IDE: variants seen among roughly 807,000 people sequenced by gnomAD.
The protein encoded by IDE is insulin degrading enzyme.
A neutral mutation model predicts 133.2 loss-of-function variants in IDE; 58 were observed. That is an observed-to-expected ratio of 0.44 (90% CI 0.35 to 0.54). The LOEUF is 0.54. Among genes scored for constraint, IDE ranks in the 20% least tolerant of loss-of-function variants. IDE has a pLI of 0.00. For synonymous variants in IDE, 396 were observed against 421.3 expected (o/e 0.94, Z 0.73); for missense variants, 981 against 1,234.0 (o/e 0.79, Z 3.07).
At chr10:92,573,877 T>G (rs1351033300) in intron 1 of IDE, 45 bp downstream of exon 1, 1 of 1,337,774 alleles carries the variant, frequency 7.5e-7, no homozygotes, top group African/African-American at 1.6e-5. Context: ...GCCAAACCGC[T>G]GTGACCCACG....
intron 18 of IDE, among the ~76,000 whole-genome samples, chr10:92,469,507 C>T (rs1003879251): frequency 1.6e-4 from 24 of 152,024 alleles, no homozygotes; most frequent in East Asian, 1.5e-3. Context: ...TAACTCACTG[C>T]AGCCTCAACC....
chr10:92,495,069 CT>C (rs1053553759), intron 11 of IDE, among the ~76,000 whole-genome samples: 119 of 144,716 alleles, frequency 8.2e-4, no homozygotes, highest in Admixed American at 8.3e-4. Context: ...TTTAATTTTT[CT>C]TTTTTTTTTT....
rs542238267 is a variant in IDE at position 92,470,191 on chromosome 10, G to C, written c.2208+63C>G. ...CATGCTGGTTAACAATCTTGAGAAA[G>C]ACTAGAGGGAAAAAATATCTTGCAA... On this transcript the variant is annotated intron_variant, in intron 18 of 24. Coordinates refer to ENST00000265986, the MANE Select transcript of IDE (RefSeq NM_004969.4). 7 of 1,095,064 alleles carry C rather than the reference G, an allele frequency of 6.4e-6. No individual in the cohort carries two copies. In the South Asian group the frequency reaches 8.8e-5, roughly 14 times the overall value. 67.8% of individuals were successfully genotyped at this position (1,095,064 alleles called of 1,614,324 possible).
At chr10:92,500,898 G>A (rs1176538109) in intron 11 of IDE, among the ~76,000 whole-genome samples, 1 of 151,880 alleles carries the variant, frequency 6.6e-6, no homozygotes, top group Non-Finnish European at 1.5e-5. Context: ...AAAATTAGCT[G>A]GGCGTGGTGG....
In IDE at chr10:92,534,563, G is replaced by C. The variant is rs1164748383; in HGVS notation, c.491+15C>G. ...GTACACAAAGTTGGATAATTCATAG[G>C]GTATTCTGCATTACCTGTCTAGGGC... On this transcript the variant is annotated intron_variant, in intron 3 of 24. Transcript: ENST00000265986. 1 of 1,464,120 alleles carries C rather than the reference G, an allele frequency of 6.8e-7. No individual in the cohort carries two copies. The highest frequency in any genetic ancestry group is 1.2e-5 in the South Asian group (1 of 86,956). 90.7% of individuals were successfully genotyped at this position (1,464,120 alleles called of 1,614,324 possible). A position where few individuals can be genotyped will look rare whatever the true frequency, so the allele number is the denominator to read the frequency against.
At chr10:92,454,900 A>G (rs1844911805) in intron 24 of IDE, among the ~76,000 whole-genome samples, 1 of 152,086 alleles carries the variant, frequency 6.6e-6, no homozygotes, top group East Asian at 1.9e-4. Flanking sequence ...GCCTAGTTAC[A>G]CTGCCAGTTT....
chr10:92,566,388 A>ATC (rs201698581), intron 1 of IDE, among the ~76,000 whole-genome samples: 105 of 144,956 alleles, frequency 7.2e-4, no homozygotes, highest in Non-Finnish European at 1.2e-3. Context: ...GTCAGACTCT[A>ATC]TCTCTCTCTC....
intron 1 of IDE, among the ~76,000 whole-genome samples, chr10:92,565,860 C>T (rs988329346): frequency 6.6e-6 from 1 of 152,240 alleles, no homozygotes; most frequent in Admixed American, 6.5e-5. Flanking sequence ...TATCGTGCTA[C>T]CTCTAGGAAG....
chr10:92,459,073 G>A (rs1269599059), intron 22 of IDE, among the ~76,000 whole-genome samples: 1 of 152,086 alleles, frequency 6.6e-6, no homozygotes, highest in Admixed American at 6.6e-5. Flanking sequence ...TCAAAATACT[G>A]GCTTCTGCTG....
At chr10:92,471,024 TC>T (rs1845937017) in intron 17 of IDE, among the ~76,000 whole-genome samples, 2 of 152,232 alleles carry the variant, frequency 1.3e-5, no homozygotes, top group South Asian at 4.1e-4. Context: ...CACCTATTTT[TC>T]CCTTTGTAAT....
At chr10:92,512,397 G>C (rs77474932) in intron 5 of IDE, among the ~76,000 whole-genome samples, 1 of 152,158 alleles carries the variant, frequency 6.6e-6, no homozygotes, top group Non-Finnish European at 1.5e-5. Flanking sequence ...GTATGGATCA[G>C]AGAATTGAGA....
chr10:92,552,109 A>G (rs1279018371), intron 1 of IDE, among the ~76,000 whole-genome samples: 1 of 152,256 alleles, frequency 6.6e-6, no homozygotes, highest in Non-Finnish European at 1.5e-5. Context: ...ATAAATGAGT[A>G]ACATAATCAC....
intron 5 of IDE, among the ~76,000 whole-genome samples, chr10:92,512,125 G>C (rs755335825): frequency 1.3e-5 from 2 of 152,172 alleles, no homozygotes; most frequent in Non-Finnish European, 2.9e-5. Flanking sequence ...TGTACTTGAT[G>C]ATTACCTATG....
chr10:92,572,858 TCTCTGGCCCCACAC>T, intron 1 of IDE: 1 of 979,326 alleles, frequency 1.0e-6, no homozygotes, highest in Middle Eastern at 5.3e-4. Context: ...TACCCCCCCA[TCTCTGGCCCCACAC>T]ACTACCCATA....
At chr10:92,504,946 T>C in intron 10 of IDE, 49 bp from the exon 11 acceptor site, 1 of 844,840 alleles carries the variant, frequency 1.2e-6, no homozygotes, top group East Asian at 2.8e-5. Flanking sequence ...AGCTACTACA[T>C]AGTTTATTAA....
At chr10:92,490,774 A>G (rs1160604893) in intron 11 of IDE, among the ~76,000 whole-genome samples, 179 bp from the exon 12 acceptor site, 1 of 152,210 alleles carries the variant, frequency 6.6e-6, no homozygotes, top group African/African-American at 2.4e-5. Flanking sequence ...GTTTCTGATC[A>G]TAGTCCCTGT....
At chr10:92,464,054 C>A in intron 20 of IDE, 51 bp from the exon 21 acceptor site, 3 of 1,552,426 alleles carry the variant, frequency 1.9e-6, no homozygotes, top group South Asian at 2.4e-5. Context: ...AGACCTGGGT[C>A]ATTTTTAATC....
intron 1 of IDE, among the ~76,000 whole-genome samples, chr10:92,554,180 C>T (rs1436346937): frequency 6.6e-6 from 1 of 152,190 alleles, no homozygotes; most frequent in Non-Finnish European, 1.5e-5. Context: ...AACATCAACA[C>T]ACTTATTGCA....
At chr10:92,509,617 C>T (rs1848480704) in intron 6 of IDE, among the ~76,000 whole-genome samples, 2 of 151,490 alleles carry the variant, frequency 1.3e-5, no homozygotes, top group Non-Finnish European at 2.9e-5. Flanking sequence ...CAGAAACAAA[C>T]AAACAAAAAA....
Sources: gnomAD v4.1 joint callset for allele counts (sites outside exome capture counted in the v4.1 genomes callset) on GRCh38, gnomAD v4.1.1 for gene constraint, MANE v1.5 for transcripts, NCBI Gene and HGNC (gene_info 2026-07-23, HGNC 2026-07-21) for gene names.